KBTBD2: variants seen among roughly 807,000 people sequenced by gnomAD.
The protein encoded by KBTBD2 is kelch repeat and BTB domain-containing protein 2.
A neutral mutation model predicts 57.1 loss-of-function variants in KBTBD2; 17 were observed. The observed-to-expected ratio is 0.30, with a 90% confidence interval of 0.20 to 0.45. The LOEUF (loss-of-function observed/expected upper bound fraction) is 0.45. Ranked by LOEUF, KBTBD2 falls within the 20% of genes least tolerant of loss-of-function variation. The pLI is 1.00. For synonymous variants in KBTBD2, 267 were observed against 262.7 expected (o/e 1.02, Z -0.16); for missense variants, 515 against 750.6 (o/e 0.69, Z 3.67).
Position 32,879,730 on chromosome 7 carries a change from G to C in KBTBD2, c.-126C>G, listed in dbSNP as rs908620385. The C allele has an allele frequency of 3.3e-4, 229 of 698,460 alleles. 2 individuals carry two copies. The highest frequency in any genetic ancestry group is 4.5e-4 in the Admixed American group (16 of 35,364). 43.3% of individuals were successfully genotyped at this position (698,460 alleles called of 1,614,324 possible). A position where few individuals can be genotyped will look rare whatever the true frequency, so the allele number is the denominator to read the frequency against. On this transcript the variant is annotated 5_prime_UTR_variant, in exon 2 of 4. Coordinates refer to ENST00000304056, the MANE Select transcript of KBTBD2 (RefSeq NM_015483.3). ...TGTTATCTGCAGCATTCAGTACCAA[G>C]ACTGACACATTCACTAATGAGTAAT...
At chr7:32,876,127 T>C (rs1376849378) in intron 2 of KBTBD2, among the ~76,000 whole-genome samples, 4 of 152,146 alleles carry the variant, frequency 2.6e-5, no homozygotes, top group African/African-American at 4.8e-5. Flanking sequence ...CAGGAAATCA[T>C]GATGGAAAGG....
chr7:32,873,338 C>T (rs1365677089), intron 3 of KBTBD2, among the ~76,000 whole-genome samples: 2 of 127,636 alleles, frequency 1.6e-5, no homozygotes, highest in African/African-American at 6.2e-5. Context: ...ACCAAGTTTT[C>T]TGTGAAAAAT....
In KBTBD2 at chr7:32,879,247, T is replaced by A. The variant is rs1784391408; in HGVS notation, c.170+188A>T. Among the ~76,000 whole-genome samples the A allele has an allele frequency of 2.0e-5, 3 of 152,206 alleles. No homozygotes were observed. In the South Asian group the frequency reaches 6.2e-4, roughly 31 times the overall value. ...ACCTTAGTTAATTGCAACACATTTC[T>A]TGTATTTCAACCTTTATAAAACTTC... On this transcript the variant is annotated intron_variant, in intron 2 of 3. Transcript: ENST00000304056.
chr7:32,875,206 A>G, intron 2 of KBTBD2, 49 bp from the exon 3 acceptor site: 10 of 1,501,092 alleles, frequency 6.7e-6, no homozygotes, highest in Non-Finnish European at 9.2e-6. Flanking sequence ...TGTGTAAAAC[A>G]AATGTAGAGC....
chr7:32,872,771 C>T (rs564660504), intron 3 of KBTBD2, among the ~76,000 whole-genome samples: 9 of 152,298 alleles, frequency 5.9e-5, no homozygotes, highest in Middle Eastern at 3.4e-3. Flanking sequence ...GAAATACTCA[C>T]GGGAGCACTT....
intron 1 of KBTBD2, among the ~76,000 whole-genome samples, chr7:32,890,754 T>C (rs931774764): frequency 2.0e-5 from 3 of 152,172 alleles, no homozygotes; most frequent in African/African-American, 4.8e-5. Context: ...CTATTTTCAC[T>C]GGAAGGGGTC....
In KBTBD2 at chr7:32,876,362, A is replaced by G. The variant is rs558824459; in HGVS notation, c.171-1205T>C. Reference sequence around the variant, plus strand: ...ATTGTTCAAGGGGCATAGCTTGAACATAAGGGCTCATGCAGGAAACCAGAA... The same window carrying G: ...ATTGTTCAAGGGGCATAGCTTGAACGTAAGGGCTCATGCAGGAAACCAGAA... On this transcript the variant is annotated intron_variant, in intron 2 of 3. Transcript: ENST00000304056. 1.1e-3 allele frequency among the ~76,000 whole-genome samples: 160 copies of G among 152,344 alleles called. 1 individual carries two copies. Among genetic ancestry groups the G allele is most frequent in the Middle Eastern group, 6.8e-3 (2 of 294 alleles).
At chr7:32,872,153 C>CCATGCCACTGCATGGTGG (rs1318338346) in intron 3 of KBTBD2, among the ~76,000 whole-genome samples, 54 of 152,150 alleles carry the variant, frequency 3.5e-4, no homozygotes, top group Admixed American at 7.2e-4. Flanking sequence ...TGAGCTATCA[C>CCATGCCACTGCATGGTGG]CATGCCACTG....
chr7:32,873,505 G>A (rs751647373), intron 3 of KBTBD2, among the ~76,000 whole-genome samples: 5 of 152,118 alleles, frequency 3.3e-5, no homozygotes, highest in African/African-American at 1.2e-4. Flanking sequence ...AGGCCAAGGC[G>A]GGTGGATCAT....
intron 2 of KBTBD2, among the ~76,000 whole-genome samples, chr7:32,876,613 T>TTGTC (rs1423846516): frequency 1.3e-5 from 2 of 152,164 alleles, no homozygotes; most frequent in African/African-American, 4.8e-5. Flanking sequence ...ATGACAATAA[T>TTGTC]ATACCTAAGA....
intron 1 of KBTBD2, among the ~76,000 whole-genome samples, chr7:32,887,746 A>AT (rs1784617076): frequency 6.6e-6 from 1 of 152,232 alleles, no homozygotes; most frequent in African/African-American, 2.4e-5. Context: ...TTGAAAAATA[A>AT]TTGAGTACAA....
chr7:32,872,831 C>A (rs1243895010), intron 3 of KBTBD2, among the ~76,000 whole-genome samples: 1 of 152,140 alleles, frequency 6.6e-6, no homozygotes, highest in Non-Finnish European at 1.5e-5. Context: ...ACATATAATG[C>A]AAATATCCTA....
At chr7:32,875,453 T>C (rs558571827) in intron 2 of KBTBD2, among the ~76,000 whole-genome samples, 1 of 152,056 alleles carries the variant, frequency 6.6e-6, no homozygotes, top group Non-Finnish European at 1.5e-5. Context: ...TTATTTTTAG[T>C]AGAGACAAGG....
intron 1 of KBTBD2, among the ~76,000 whole-genome samples, chr7:32,884,972 GTGTGTA>G (rs1562537450): frequency 2.3e-5 from 3 of 130,552 alleles, no homozygotes; most frequent in Non-Finnish European, 4.7e-5. Flanking sequence ...GTGTGTATGT[GTGTGTA>G]TATATATATA....
chr7:32,869,532 G>C lies in KBTBD2; in HGVS notation c.1685C>G (p.Ser562Cys). 1.9e-6 allele frequency: 3 copies of C among 1,614,156 alleles called. No individual in the cohort carries two copies. Among genetic ancestry groups the C allele is most frequent in the Non-Finnish European group, 2.5e-6 (3 of 1,180,010 alleles). ...YQYDLELDRWSLRQHISERVL... is the reference protein window; with the variant it reads ...YQYDLELDRWCLRQHISERVL... ...ACGTTCAGATATATGCTGCCGCAGA[G>C]ACCACCGGTCAAGTTCCAGGTCATA... is the stretch of plus-strand genomic sequence containing the variant. Residue 562 changes from serine to cysteine, a missense_variant, in exon 4 of 4, where the codon TCT becomes TGT. Coordinates refer to ENST00000304056, the MANE Select transcript of KBTBD2 (RefSeq NM_015483.3).
chr7:32,892,087 A>C (rs1784774141), upstream of KBTBD2: 2 of 148,654 alleles, frequency 1.3e-5, no homozygotes, highest in Non-Finnish European at 3.0e-5. Context: ...CCCCTCCCTT[A>C]CTCTAGCTGC....
At position 32,883,797 on chromosome 7, in the gene KBTBD2, G is replaced by A. The variant is rs1784500968; in HGVS notation, c.-338-3855C>T. On this transcript the variant is annotated intron_variant, in intron 1 of 3. Coordinates refer to ENST00000304056, the MANE Select transcript of KBTBD2 (RefSeq NM_015483.3). ...GCCAATCATTGCACTTTACATACTC[G>A]GATTCAGAGAAGCCAAACACTAAAG... Among the ~76,000 whole-genome samples the A allele has an allele frequency of 2.0e-5, 3 of 152,148 alleles. No individual in the cohort carries two copies. The East Asian group carries it at 5.8e-4, about 29-fold the overall frequency.
Position 32,879,761 on chromosome 7 carries a change from GT to G in KBTBD2, c.-158del. 1 of 612,634 alleles carries G rather than the reference GT, an allele frequency of 1.6e-6. No homozygotes were observed. 37.9% of individuals were successfully genotyped at this position (612,634 alleles called of 1,614,324 possible). The stretch of plus-strand genomic sequence containing the variant: ...CACATTCACTAATGAGTAATATCTT[GT>G]TACACAGACTTAGAATCACTCCTAG... On this transcript the variant is annotated 5_prime_UTR_variant, in exon 2 of 4. Coordinates refer to ENST00000304056, the MANE Select transcript of KBTBD2 (RefSeq NM_015483.3).
chr7:32,872,937 A>G (rs1429509882), intron 3 of KBTBD2, among the ~76,000 whole-genome samples: 1 of 152,218 alleles, frequency 6.6e-6, no homozygotes, highest in Non-Finnish European at 1.5e-5. Context: ...AAAAGGAAGG[A>G]GACTACATAA....
Sources: allele counts gnomAD v4.1 joint callset (sites outside exome capture counted in the v4.1 genomes callset), GRCh38; gene constraint gnomAD v4.1.1; transcripts MANE v1.5; gene names NCBI Gene and HGNC (gene_info 2026-07-23, HGNC 2026-07-21).